Variants in POLN observed in about 807,000 individuals in gnomAD.
POLN encodes DNA polymerase N.
In POLN, 108 loss-of-function variants were observed where a neutral mutation model predicts 113.5. That is an observed-to-expected ratio of 0.95 (90% confidence interval 0.81 to 1.12). The LOEUF (loss-of-function observed/expected upper bound fraction) is 1.12, where lower values mean the gene tolerates loss of function less well. POLN is among the 50% of genes most tolerant of loss of function. The pLI is 0.00. For synonymous variants in POLN, 386 were observed against 391.5 expected, an observed-to-expected ratio of 0.99 and a Z score of 0.17; for missense variants, 1,097 against 1,077.1, an observed-to-expected ratio of 1.02 and a Z score of -0.26.
At chr4:2,194,751 G>T (rs908486856) in intron 6 of POLN, among the ~76,000 whole-genome samples, 1 of 152,098 alleles carries the variant, frequency 6.6e-6, no homozygotes, top group African/African-American at 2.4e-5. Flanking sequence ...AGGCGTGGTG[G>T]TGCATGCCTG....
chr4:2,169,576 C>CA (rs1299814836), intron 13 of POLN, among the ~76,000 whole-genome samples: 1 of 152,220 alleles, frequency 6.6e-6, no homozygotes, highest in Non-Finnish European at 1.5e-5. Flanking sequence ...CATGGACACA[C>CA]ACACACGCAC....
chr4:2,228,175 A>T (rs1469918370), intron 3 of POLN: 3 of 158,646 alleles, frequency 1.9e-5, no homozygotes, highest in Non-Finnish European at 4.2e-5. Context: ...TATTTTGTAG[A>T]AAGAGAAACC....
chr4:2,073,349 C>T (rs1730198926), intron 24 of POLN, among the ~76,000 whole-genome samples: 1 of 152,228 alleles, frequency 6.6e-6, no homozygotes, highest in Non-Finnish European at 1.5e-5. Context: ...CCCTACCCCT[C>T]CGGCTCAGCT....
intron 3 of POLN, among the ~76,000 whole-genome samples, chr4:2,218,623 T>G (rs1337002465): frequency 6.6e-6 from 1 of 152,172 alleles, no homozygotes. Flanking sequence ...TTATGCTGAT[T>G]GGCATGATGT....
intron 6 of POLN, among the ~76,000 whole-genome samples, chr4:2,194,593 C>T (rs1024568098): frequency 6.6e-6 from 1 of 152,124 alleles, no homozygotes; most frequent in African/African-American, 2.4e-5. Context: ...AGATCACTTC[C>T]CTTTACTGCT....
At chr4:2,140,867 C>A (rs1381417388) in intron 16 of POLN, 1 of 152,372 alleles carries the variant, frequency 6.6e-6, no homozygotes, top group Non-Finnish European at 1.5e-5. Flanking sequence ...CCACCACCCC[C>A]CTCCTTTAAG....
In POLN at chr4:2,116,388, C is replaced by T. The variant is rs144168449; in HGVS notation, c.1982+11725G>A. Among the ~76,000 whole-genome samples the T allele has an allele frequency of 3.4e-3, 518 of 152,280 alleles. 3 individuals carry two copies. Among genetic ancestry groups the T allele is most frequent in the African/African-American group, 0.012 (497 of 41,554 alleles). On this transcript the variant is annotated intron_variant, in intron 19 of 25. Transcript: ENST00000511885. ...TTTCTTTTCTATGAAAAGCTCATCGCTTTCTGGAGTTCTGTTCACTTAGCT... is the reference window on the plus strand; with the variant it reads ...TTTCTTTTCTATGAAAAGCTCATCGTTTTCTGGAGTTCTGTTCACTTAGCT...
At chr4:2,163,400 C>T (rs990380714) in intron 13 of POLN, among the ~76,000 whole-genome samples, 2 of 152,368 alleles carry the variant, frequency 1.3e-5, no homozygotes, top group Non-Finnish European at 2.9e-5. Context: ...TTGACTTGAG[C>T]AGCCTGAGAA....
chr4:2,155,588 A>G (rs1338894560), intron 16 of POLN, among the ~76,000 whole-genome samples: 1 of 152,212 alleles, frequency 6.6e-6, no homozygotes, highest in Non-Finnish European at 1.5e-5. Context: ...GACACATGTT[A>G]CGGAGGGAAG....
intron 16 of POLN, among the ~76,000 whole-genome samples, chr4:2,133,905 A>G (rs1731789069): frequency 6.6e-6 from 1 of 152,218 alleles, no homozygotes; most frequent in African/African-American, 2.4e-5. Context: ...TGTACATTCT[A>G]TTGGTTTTGA....
chr4:2,100,597 G>C (rs1436110600), intron 19 of POLN, among the ~76,000 whole-genome samples: 1 of 152,116 alleles, frequency 6.6e-6, no homozygotes, highest in Non-Finnish European at 1.5e-5. Context: ...GGAGGACTGG[G>C]GGGTGAATAC....
At chr4:2,176,074 C>T (rs965853222) in intron 9 of POLN, among the ~76,000 whole-genome samples, 192 bp downstream of exon 9, 26 of 152,238 alleles carry the variant, frequency 1.7e-4, no homozygotes, top group Non-Finnish European at 3.2e-4. Context: ...TTTCAACCTA[C>T]AGAAAGCATT....
intron 21 of POLN, among the ~76,000 whole-genome samples, chr4:2,084,454 T>C (rs557951003): frequency 6.6e-6 from 1 of 152,300 alleles, no homozygotes; most frequent in East Asian, 1.9e-4. Flanking sequence ...TGCTTGTGGG[T>C]TTACCATGTC....
chr4:2,072,825 C>A, intron 25 of POLN, 143 bp downstream of exon 25: 1 of 839,658 alleles, frequency 1.2e-6, no homozygotes. Context: ...AGGGACGGTC[C>A]AGCCTCCACG....
chr4:2,146,995 C>A (rs1034785485), intron 16 of POLN, among the ~76,000 whole-genome samples: 3 of 152,042 alleles, frequency 2.0e-5, no homozygotes, highest in African/African-American at 7.2e-5. Flanking sequence ...AAAGACTCAC[C>A]AACCAAGAAA....
chr4:2,186,261 C>T (rs907271969), intron 7 of POLN, among the ~76,000 whole-genome samples: 4 of 152,170 alleles, frequency 2.6e-5, no homozygotes, highest in African/African-American at 9.7e-5. Flanking sequence ...CCACAGGAAG[C>T]ATCATGAGTG....
intron 16 of POLN, among the ~76,000 whole-genome samples, chr4:2,145,894 A>G (rs1732126055): frequency 6.6e-6 from 1 of 152,206 alleles, no homozygotes; most frequent in African/African-American, 2.4e-5. Context: ...ACAACCTAGT[A>G]TATCTGTACA....
chr4:2,228,611 C>T (rs1540287), intron 3 of POLN: 24,946 of 170,350 alleles, frequency 0.15, 3,117 homozygotes, highest in East Asian at 0.35. Context: ...GCTGGGATTA[C>T]AGGCGTGAGC....
At chr4:2,085,495 G>A (rs1730526128) in intron 21 of POLN, 118 bp downstream of exon 21, 2 of 1,316,668 alleles carry the variant, frequency 1.5e-6, no homozygotes. Context: ...GATTCACCCA[G>A]GCCCCCAAAC....
Sources: gnomAD v4.1 joint callset for allele counts (sites outside exome capture counted in the v4.1 genomes callset) on GRCh38, gnomAD v4.1.1 for gene constraint, MANE v1.5 for transcripts, NCBI Gene and HGNC (gene_info 2026-07-23, HGNC 2026-07-21) for gene names.